Variants in RBPJ observed in about 807,000 individuals in gnomAD.
The protein encoded by RBPJ is recombination signal binding protein for immunoglobulin kappa J region.
RBPJ carries 9 observed loss-of-function variants against 67.8 expected under a neutral mutation model. The observed-to-expected ratio is 0.13, with a 90% CI of 0.08 to 0.23. The LOEUF (loss-of-function observed/expected upper bound fraction) is 0.23, where lower values mean the gene tolerates loss of function less well. Among genes scored for constraint, RBPJ ranks in the 10% least tolerant of loss-of-function variants. RBPJ has a pLI of 1.00. For synonymous variants in RBPJ, 198 were observed against 203.3 expected, an observed-to-expected ratio of 0.97 and a Z score of 0.22; for missense variants, 305 against 595.6, an observed-to-expected ratio of 0.51 and a Z score of 5.08.
chr4:26,295,299 G>C (rs1164281627), intron 1 of RBPJ, among the ~76,000 whole-genome samples: 3 of 145,106 alleles, frequency 2.1e-5, no homozygotes, highest in Non-Finnish European at 4.5e-5. Flanking sequence ...GGTGTGTGTG[G>C]GTCTTCCACA....
chr4:26,354,267 C>T lies in RBPJ; in HGVS notation c.21-32086C>T, dbSNP rs1015827824. Among the ~76,000 whole-genome samples, 5 of 152,114 alleles carry T rather than the reference C, an allele frequency of 3.3e-5. No individual in the cohort carries two copies. In the East Asian group the frequency reaches 9.7e-4, roughly 29 times the overall value. ...ATCATGAGATAATTTATACAGCCAC[C>T]GGGGACTGTTTTCAGCAAGCTTAAT... is the stretch of plus-strand genomic sequence containing the variant. On this transcript the variant is annotated intron_variant, in intron 1 of 10. Coordinates refer to ENST00000355476, the MANE Select transcript of RBPJ (RefSeq NM_015874.6).
chr4:26,321,905 G>A (rs1723121074), intron 1 of RBPJ: 2 of 152,174 alleles, frequency 1.3e-5, no homozygotes, highest in Admixed American at 1.3e-4. Context: ...AGATGCATGG[G>A]ATACTTAGTT....
intron 1 of RBPJ, among the ~76,000 whole-genome samples, chr4:26,250,797 G>C (rs1268969551): frequency 1.3e-5 from 2 of 152,154 alleles, no homozygotes; most frequent in Non-Finnish European, 2.9e-5. Flanking sequence ...TTTCAATTCT[G>C]ATGTATTGCT....
the RBPJ span, among the ~76,000 whole-genome samples, chr4:26,152,040 T>G: frequency 6.6e-6 from 1 of 152,206 alleles, no homozygotes; most frequent in Non-Finnish European, 1.5e-5. Flanking sequence ...GACAGTATAA[T>G]AAGATTCTCA....
intron 1 of RBPJ, among the ~76,000 whole-genome samples, chr4:26,193,200 A>C (rs1254498760): frequency 6.6e-6 from 1 of 152,224 alleles, no homozygotes; most frequent in Non-Finnish European, 1.5e-5. Flanking sequence ...CCTTTAAGCC[A>C]CAGAACTAAT....
chr4:26,415,213 C>T (rs1734443400), intron 3 of RBPJ, among the ~76,000 whole-genome samples: 1 of 152,132 alleles, frequency 6.6e-6, no homozygotes, highest in South Asian at 2.1e-4. Flanking sequence ...AAGAGAAGTT[C>T]TGTACTCTAA....
intron 1 of RBPJ, among the ~76,000 whole-genome samples, chr4:26,247,367 A>G (rs1162681825): frequency 1.3e-5 from 2 of 151,978 alleles, no homozygotes; most frequent in Non-Finnish European, 2.9e-5. Context: ...TGCTTTCTTC[A>G]TATAGATTCC....
intron 1 of RBPJ, among the ~76,000 whole-genome samples, chr4:26,222,260 G>T (rs1042786180): frequency 7.2e-5 from 11 of 152,266 alleles, no homozygotes; most frequent in Non-Finnish European, 1.0e-4. Context: ...CTGGGAGGCC[G>T]AGGCATGTGG....
chr4:26,330,897 A>G (rs1724173580), intron 1 of RBPJ, among the ~76,000 whole-genome samples: 3 of 152,222 alleles, frequency 2.0e-5, no homozygotes, highest in Admixed American at 2.0e-4. Context: ...CTTACATAAC[A>G]TAGAAAGGTA....
At chr4:26,210,768 T>C (rs945739429) in intron 1 of RBPJ, among the ~76,000 whole-genome samples, 22 of 136,542 alleles carry the variant, frequency 1.6e-4, no homozygotes, top group Admixed American at 4.6e-4. Flanking sequence ...TCTTTCTTTC[T>C]TTCTTTCTTT....
intron 1 of RBPJ, among the ~76,000 whole-genome samples, chr4:26,367,373 G>A (rs1728744250): frequency 6.6e-6 from 1 of 152,078 alleles, no homozygotes; most frequent in South Asian, 2.1e-4. Context: ...GGGAGGCTGA[G>A]GCAGGAGAAT....
chr4:26,279,130 T>C lies in RBPJ; in HGVS notation c.-166-83316T>C, dbSNP rs568726157. ...TGGCCCACAGTATGTACTCAATAAA[T>C]GTTAACTATTTGTTTGAAGAAAATG... On this transcript the variant is annotated intron_variant, in intron 1 of 4. Transcript: ENST00000512351. 2.0e-5 allele frequency among the ~76,000 whole-genome samples: 3 copies of C among 152,314 alleles called. No homozygotes were observed. The South Asian group carries it at 6.2e-4, about 32-fold the overall frequency.
intron 1 of RBPJ, among the ~76,000 whole-genome samples, chr4:26,382,388 A>C (rs1047768078): frequency 6.6e-6 from 1 of 152,232 alleles, no homozygotes; most frequent in African/African-American, 2.4e-5. Context: ...TTGTTTAATC[A>C]AATTAGTAGT....
chr4:26,367,884 A>G (rs1367350845), intron 1 of RBPJ: 1 of 152,246 alleles, frequency 6.6e-6, no homozygotes, highest in Non-Finnish European at 1.5e-5. Context: ...AAAACAGTGA[A>G]AAGATGAAGA....
At chr4:26,255,369 A>C (rs1202069696) in intron 1 of RBPJ, among the ~76,000 whole-genome samples, 35 of 104,886 alleles carry the variant, frequency 3.3e-4, no homozygotes, top group East Asian at 3.2e-3. Context: ...GCGCCACCGC[A>C]CTCCAGCCTG....
At chr4:26,337,157 G>T (rs1724933108) in intron 1 of RBPJ, among the ~76,000 whole-genome samples, 1 of 142,400 alleles carries the variant, frequency 7.0e-6, no homozygotes, top group African/African-American at 2.6e-5. Flanking sequence ...TTTAAATAAA[G>T]ACAGGGTTTC....
intron 1 of RBPJ, among the ~76,000 whole-genome samples, chr4:26,270,401 GAAA>G (rs1560237816): frequency 1.5e-4 from 9 of 59,982 alleles, no homozygotes; most frequent in South Asian, 6.2e-4. Context: ...AAGAAAGAAA[GAAA>G]GAAAGAAAGA....
chr4:26,265,635 G>C (rs531965010), intron 1 of RBPJ, among the ~76,000 whole-genome samples: 1 of 152,276 alleles, frequency 6.6e-6, no homozygotes, highest in South Asian at 2.1e-4. Flanking sequence ...CCTAAGGAGA[G>C]AGTCTTAACA....
Position 26,430,109 on chromosome 4 carries a change from G to A in RBPJ, c.1044+56G>A. On this transcript the variant is annotated intron_variant, in intron 9 of 10. Coordinates refer to ENST00000355476, the MANE Select transcript of RBPJ (RefSeq NM_015874.6). This position sits in a 1 kb window ranked among gnomAD's most constrained non-coding sequence, Gnocchi z 4.1. Reference sequence around the variant, plus strand: ...GCTCTTTGCAGCTACTCTCAGCTGTGACCTGGCATCATTTCATTTCATGGG... The same window carrying A: ...GCTCTTTGCAGCTACTCTCAGCTGTAACCTGGCATCATTTCATTTCATGGG... 2 of 1,569,742 alleles carry A rather than the reference G, an allele frequency of 1.3e-6. No individual in the cohort carries two copies. Among genetic ancestry groups the A allele is most frequent in the Non-Finnish European group, 1.8e-6 (2 of 1,141,558 alleles).
Sources: gnomAD v4.1 joint callset for allele counts (sites outside exome capture counted in the v4.1 genomes callset) on GRCh38, gnomAD v4.1.1 for gene constraint, Gnocchi (gnomAD v3.1) non-coding constraint, MANE v1.5 for transcripts, NCBI Gene and HGNC (gene_info 2026-07-23, HGNC 2026-07-21) for gene names.